UBE2Q2: variants seen among roughly 807,000 people sequenced by gnomAD.
UBE2Q2 encodes ubiquitin conjugating enzyme E2 Q2, also known as ubiquitin-conjugating enzyme E2 Q2.
In UBE2Q2, 54 loss-of-function variants were observed where a neutral mutation model predicts 59.9. That is an observed-to-expected ratio of 0.90 (90% CI 0.72 to 1.13). The LOEUF (loss-of-function observed/expected upper bound fraction) is 1.13. Among genes scored for constraint, UBE2Q2 ranks in the 50% most tolerant of loss-of-function variants. The pLI is 0.00. For missense variants in UBE2Q2, 433 were observed against 441.9 expected (o/e 0.98, Z 0.18); for synonymous variants, 165 against 155.2 (o/e 1.06, Z -0.47).
At chr15:75,844,165 C>T (rs1896187999) in intron 1 of UBE2Q2, 4 of 1,436,044 alleles carry the variant, frequency 2.8e-6, no homozygotes, top group Middle Eastern at 2.6e-4. Flanking sequence ...CCATGGCCGC[C>T]CTCAGCCGGC....
Position 75,873,439 on chromosome 15 carries a change from C to CTT in UBE2Q2, c.460_461dup (p.Leu154PhefsTer2), listed in dbSNP as rs768677651. The CTT allele has an allele frequency of 6.2e-7, 1 of 1,610,152 alleles. No individual in the cohort carries two copies. Among genetic ancestry groups the CTT allele is most frequent in the Non-Finnish European group, 8.5e-7 (1 of 1,179,228 alleles). On this transcript the variant is annotated frameshift_variant, in exon 5 of 13. Coordinates refer to ENST00000267938, the MANE Select transcript of UBE2Q2 (RefSeq NM_173469.4). LOFTEE classifies it high-confidence loss of function. ...TCGTCTCTTTGTAGGATATAGAAGACTTAGATCACTATGAGATGAAGGAAG... is the reference window on the plus strand; with the variant it reads ...TCGTCTCTTTGTAGGATATAGAAGACTTTTAGATCACTATGAGATGAAGGAAG...
chr15:75,874,894 G>A (rs904853730), intron 5 of UBE2Q2, among the ~76,000 whole-genome samples: 1 of 152,136 alleles, frequency 6.6e-6, no homozygotes, highest in South Asian at 2.1e-4. Flanking sequence ...CCCAAAACAG[G>A]GAATGAATTG....
At chr15:75,845,415 G>A (rs149007950) in intron 1 of UBE2Q2, among the ~76,000 whole-genome samples, 2 of 152,310 alleles carry the variant, frequency 1.3e-5, no homozygotes, top group East Asian at 3.9e-4. Context: ...AAAACAGAAA[G>A]TGTAGTAGTT....
At chr15:75,883,088 A>G (rs1366112491) in intron 8 of UBE2Q2, among the ~76,000 whole-genome samples, 1 of 152,124 alleles carries the variant, frequency 6.6e-6, no homozygotes, top group African/African-American at 2.4e-5. Flanking sequence ...TACCTAGTCT[A>G]TCATTATTGG....
chr15:75,899,231 C>T (rs956392599), intron 12 of UBE2Q2, among the ~76,000 whole-genome samples, 196 bp from the exon 13 acceptor site: 5 of 150,236 alleles, frequency 3.3e-5, no homozygotes, highest in Admixed American at 6.6e-5. Flanking sequence ...GCTGAGTTTG[C>T]GCCATTGCAC....
intron 9 of UBE2Q2, among the ~76,000 whole-genome samples, chr15:75,888,038 C>T (rs1216386215): frequency 6.6e-6 from 1 of 151,952 alleles, no homozygotes; most frequent in Non-Finnish European, 1.5e-5. Context: ...TAGTTATGAC[C>T]CTACTTCTTT....
intron 1 of UBE2Q2, among the ~76,000 whole-genome samples, chr15:75,847,800 A>G (rs1392387776): frequency 6.6e-6 from 1 of 152,070 alleles, no homozygotes. Context: ...TAGAATGAAA[A>G]ATCTCCCCCA....
intron 2 of UBE2Q2, 102 bp downstream of exon 2, chr15:75,854,589 A>G: frequency 1.4e-6 from 1 of 699,714 alleles, no homozygotes; most frequent in Non-Finnish European, 2.2e-6. Context: ...ATTAATGATT[A>G]TAATCTTGTA....
chr15:75,851,193 G>A (rs1310716772), intron 1 of UBE2Q2, among the ~76,000 whole-genome samples: 1 of 150,216 alleles, frequency 6.7e-6, no homozygotes, highest in Non-Finnish European at 1.5e-5. Flanking sequence ...GTGCAGTGGT[G>A]TGATCACAGC....
chr15:75,843,607 C>T lies in UBE2Q2; in HGVS notation c.-60C>T, dbSNP rs1896133228. On this transcript the variant is annotated 5_prime_UTR_variant, in exon 1 of 13. Transcript: ENST00000267938. ...GCGGCCGTGACGGCGGCTCCGGGCC[C>T]GGCTCCCCTTCCGCGCCCGGCTCCC... 2.7e-6 allele frequency: 4 copies of T among 1,473,704 alleles called. No homozygotes were observed. Among genetic ancestry groups the T allele is most frequent in the Non-Finnish European group, 2.7e-6 (3 of 1,103,524 alleles). The allele number at this position is 1,473,704 out of a possible 1,614,324, so 91.3% of individuals were successfully genotyped here.
chr15:75,885,115 G>C (rs1289925279), intron 9 of UBE2Q2, among the ~76,000 whole-genome samples: 1 of 151,944 alleles, frequency 6.6e-6, no homozygotes, highest in Non-Finnish European at 1.5e-5. Flanking sequence ...ACTAATAGTA[G>C]TGGGGTTTTT....
Position 75,900,484 on chromosome 15 carries a change from C to T in UBE2Q2, c.*1026C>T, listed in dbSNP as rs1260344461. 1 of 152,576 alleles carries T rather than the reference C, an allele frequency of 6.6e-6. No homozygotes were observed. Among genetic ancestry groups the T allele is most frequent in the Non-Finnish European group, 1.5e-5 (1 of 68,030 alleles). 9.5% of individuals were successfully genotyped at this position (152,576 alleles called of 1,614,324 possible). A position where few individuals can be genotyped will look rare whatever the true frequency, so the allele number is the denominator to read the frequency against. On this transcript the variant is annotated 3_prime_UTR_variant, in exon 13 of 13. Transcript: ENST00000267938. ...GGTACTCTCCATTTTATTGCCTTAC[C>T]TGAATCAGTCCTTTTTGGTTGGTAA...
intron 3 of UBE2Q2, among the ~76,000 whole-genome samples, chr15:75,865,942 G>C (rs1897449879): frequency 6.6e-6 from 1 of 152,124 alleles, no homozygotes; most frequent in Non-Finnish European, 1.5e-5. Flanking sequence ...AGAATCTGGA[G>C]GTGAACGTAC....
At chr15:75,883,683 G>A (rs565239590) in intron 9 of UBE2Q2, among the ~76,000 whole-genome samples, 2 of 152,086 alleles carry the variant, frequency 1.3e-5, no homozygotes, top group African/African-American at 2.4e-5. Flanking sequence ...GATTCAGTAG[G>A]TCTGTGGTGG....
At position 75,843,728 on chromosome 15, in the gene UBE2Q2, AC is replaced by A. The variant is rs773407065; in HGVS notation, c.63del (p.His21GlnfsTer59). 3 of 1,611,504 alleles carry A rather than the reference AC, an allele frequency of 1.9e-6. No homozygotes were observed. ...KFLASIFDKN[H>X]ERFRIVSWKL... ...CTGGCGTCCATCTTCGACAAGAACC[AC>A]GAGCGATTCCGCATCGTCAGTTGGA... On this transcript the variant is annotated frameshift_variant, in exon 1 of 13. Coordinates refer to ENST00000267938, the MANE Select transcript of UBE2Q2 (RefSeq NM_173469.4). LOFTEE classifies it high-confidence loss of function.
chr15:75,845,469 G>C (rs991739672), intron 1 of UBE2Q2, among the ~76,000 whole-genome samples: 4 of 152,172 alleles, frequency 2.6e-5, no homozygotes, highest in African/African-American at 9.7e-5. Context: ...GAATGGCTTC[G>C]AGGGTGATTA....
intron 2 of UBE2Q2, among the ~76,000 whole-genome samples, chr15:75,856,566 A>G (rs1303047958): frequency 6.6e-6 from 1 of 152,192 alleles, no homozygotes; most frequent in Non-Finnish European, 1.5e-5. Flanking sequence ...GTCTTAGGAA[A>G]ACTATTTGAG....
At chr15:75,844,462 A>G in intron 1 of UBE2Q2, 2 of 1,551,452 alleles carry the variant, frequency 1.3e-6, no homozygotes, top group East Asian at 2.4e-5. Flanking sequence ...TCTGGAAAGG[A>G]GCATAGTACC....
intron 1 of UBE2Q2, among the ~76,000 whole-genome samples, chr15:75,846,617 G>A (rs1896364879): frequency 6.6e-6 from 1 of 152,146 alleles, no homozygotes; most frequent in Non-Finnish European, 1.5e-5. Flanking sequence ...AGGGAAAAAT[G>A]GGGTTGGATT....
Sources: gnomAD v4.1 joint callset for allele counts (sites outside exome capture counted in the v4.1 genomes callset) on GRCh38, gnomAD v4.1.1 for gene constraint, MANE v1.5 for transcripts, NCBI Gene and HGNC (gene_info 2026-07-23, HGNC 2026-07-21) for gene names.